Variants in UTS2B observed in about 807,000 individuals in gnomAD.
UTS2B encodes the protein urotensin-2B.
UTS2B carries 21 observed loss-of-function variants against 19.2 expected under a neutral mutation model. The ratio of observed to expected loss-of-function variants is 1.09; its 90% CI spans 0.78 to 1.58. The LOEUF is 1.58. Ranked by LOEUF, UTS2B falls within the 40% of genes most tolerant of loss-of-function variation. The pLI, the probability that UTS2B is intolerant of heterozygous loss-of-function variation, is 0.00. For missense variants in UTS2B, 138 were observed against 130.3 expected (o/e 1.06, Z -0.29); for synonymous variants, 57 against 50.2 (o/e 1.14, Z -0.58).
intron 4 of UTS2B, among the ~76,000 whole-genome samples, chr3:191,288,256 C>A (rs2108581315): frequency 6.6e-6 from 1 of 152,124 alleles, no homozygotes; most frequent in Admixed American, 6.5e-5. Context: ...ACATTTTGTA[C>A]AGAAATAGAA....
chr3:191,284,316 C>A (rs1254361417), intron 4 of UTS2B, among the ~76,000 whole-genome samples: 2 of 151,604 alleles, frequency 1.3e-5, no homozygotes, highest in East Asian at 3.9e-4. Flanking sequence ...ACTGATTATT[C>A]TTTTCTTTTC....
intron 2 of UTS2B, among the ~76,000 whole-genome samples, chr3:191,321,992 A>G (rs1393366527): frequency 6.6e-6 from 1 of 152,020 alleles, no homozygotes; most frequent in Non-Finnish European, 1.5e-5. Flanking sequence ...GCGCCATTGC[A>G]CTCCAGCCTG....
intron 4 of UTS2B, among the ~76,000 whole-genome samples, chr3:191,297,700 T>C (rs10937472): frequency 0.39 from 58,714 of 152,130 alleles, 11,852 homozygotes; most frequent in East Asian, 0.64. Flanking sequence ...GCCTGTGGTG[T>C]GGATTAAAGG....
chr3:191,268,554 A>G (rs1716005090), intron 8 of UTS2B, 113 bp from the exon 9 acceptor site: 1 of 687,926 alleles, frequency 1.5e-6, no homozygotes. Context: ...TAAAAGGGAC[A>G]GTCAATATTG....
the UTS2B span, among the ~76,000 whole-genome samples, chr3:191,343,943 T>C: frequency 6.6e-6 from 1 of 152,210 alleles, no homozygotes; most frequent in African/African-American, 2.4e-5. Flanking sequence ...GGTTGCTAGA[T>C]AAATGTAGGA....
chr3:191,306,210 A>C (rs1717136121), intron 3 of UTS2B, among the ~76,000 whole-genome samples: 1 of 152,184 alleles, frequency 6.6e-6, no homozygotes, highest in African/African-American at 2.4e-5. Context: ...GAAGAATGTC[A>C]ATGGTAGTTT....
chr3:191,299,668 T>A (rs1369401061), intron 4 of UTS2B, among the ~76,000 whole-genome samples: 1 of 152,198 alleles, frequency 6.6e-6, no homozygotes, highest in Non-Finnish European at 1.5e-5. Context: ...AGAGGGGAAG[T>A]GTGGGGGTGG....
intron 8 of UTS2B, chr3:191,273,683 C>T (rs1239821506): frequency 7.7e-6 from 3 of 387,668 alleles, no homozygotes; most frequent in African/African-American, 4.1e-5. Context: ...CTAAGCTATA[C>T]TGATTCAGGA....
chr3:191,324,360 C>G (rs115043651), intron 2 of UTS2B, among the ~76,000 whole-genome samples: 9,947 of 152,260 alleles, frequency 0.065, 386 homozygotes, highest in South Asian at 0.11. Context: ...TAGAGTAAGA[C>G]AGATGGGATA....
intron 2 of UTS2B, among the ~76,000 whole-genome samples, chr3:191,323,852 T>C (rs887867447): frequency 3.9e-5 from 6 of 152,044 alleles, no homozygotes; most frequent in African/African-American, 1.4e-4. Context: ...AGGAGTGAGT[T>C]GGAGAGAGAG....
chr3:191,326,699 C>A (rs1336441384), intron 2 of UTS2B, among the ~76,000 whole-genome samples: 2 of 152,202 alleles, frequency 1.3e-5, no homozygotes, highest in African/African-American at 4.8e-5. Context: ...AAGATGTAAA[C>A]TTGTTACAGA....
intron 1 of UTS2B, chr3:191,329,191 CG>C: frequency 1.3e-5 from 2 of 157,668 alleles, no homozygotes; most frequent in Non-Finnish European, 2.8e-5. Context: ...GGGCAGGGCC[CG>C]GGGGCGGGAG....
At position 191,330,185 on chromosome 3, in the gene UTS2B, A is replaced by T. The variant is rs539588479; in HGVS notation, c.-665+229T>A. Among the ~76,000 whole-genome samples the T allele has an allele frequency of 4.6e-5, 7 of 152,144 alleles. No individual in the cohort carries two copies. The South Asian group carries it at 1.5e-3, about 32-fold the overall frequency. ...CCCTCCTTCTCTCCCTACTTTTCCT[A>T]GGCCGGCGTCTGGCTGGCTGACTTT... On this transcript the variant is annotated intron_variant, in intron 1 of 8. Coordinates refer to ENST00000340524, the MANE Select transcript of UTS2B (RefSeq NM_198152.5).
intron 3 of UTS2B, among the ~76,000 whole-genome samples, chr3:191,311,803 T>C (rs116441711): frequency 4.6e-5 from 7 of 152,314 alleles, no homozygotes; most frequent in African/African-American, 1.7e-4. Context: ...ACATTTCCAC[T>C]TCCCAGAGCC....
At position 191,297,358 on chromosome 3, in the gene UTS2B, G is replaced by A. The variant is rs115951435; in HGVS notation, c.-125+7134C>T. Among the ~76,000 whole-genome samples, 150 of 152,236 alleles carry A rather than the reference G, an allele frequency of 9.9e-4. No homozygotes were observed. In the Middle Eastern group the frequency reaches 0.014, roughly 14 times the overall value. On this transcript the variant is annotated intron_variant, in intron 4 of 8. Coordinates refer to ENST00000340524, the MANE Select transcript of UTS2B (RefSeq NM_198152.5). Reference sequence around the variant, plus strand: ...TTTCCTCACTGTTCAGTAGAGAGAGGAGAATGCTTTCAAGAGACCATTTCT... The same window carrying A: ...TTTCCTCACTGTTCAGTAGAGAGAGAAGAATGCTTTCAAGAGACCATTTCT...
rs189692066 is a variant in UTS2B at position 191,279,231 on chromosome 3, A to C, written c.104-1061T>G. 2.5e-3 allele frequency among the ~76,000 whole-genome samples: 374 copies of C among 152,130 alleles called. 1 individual carries two copies. Among genetic ancestry groups the C allele is most frequent in the Non-Finnish European group, 3.9e-3 (268 of 67,892 alleles). On this transcript the variant is annotated intron_variant, in intron 5 of 8. Coordinates refer to ENST00000340524, the MANE Select transcript of UTS2B (RefSeq NM_198152.5). ...ATACCTAATTGTTGCTCAATTCTTC[A>C]ATTTTCTTTGCTTCATACACATAAA...
At chr3:191,332,695 T>C (rs987574888), upstream of UTS2B, among the ~76,000 whole-genome samples, 3 of 152,222 alleles carry the variant, frequency 2.0e-5, no homozygotes, top group African/African-American at 7.2e-5. Context: ...TAAAAAACTT[T>C]TAATCAGTTG....
chr3:191,294,214 T>A (rs1269941826), intron 4 of UTS2B, among the ~76,000 whole-genome samples: 1 of 151,966 alleles, frequency 6.6e-6, no homozygotes, highest in African/African-American at 2.4e-5. Flanking sequence ...GTTCTACCCT[T>A]GTATCACATG....
rs66756396 is a variant in UTS2B, at chr3:191,271,200, CAAAAAAA to C, written c.335-2766_335-2760del. The stretch of plus-strand genomic sequence containing the variant: ...GCCTGGTGACAGAGTGAGACTCTCT[CAAAAAAA>C]AAAAAAAAAAAAAAAAAAAGAGGTA... On this transcript the variant is annotated intron_variant, in intron 8 of 8. Transcript: ENST00000340524. Among the ~76,000 whole-genome samples, 227 of 52,758 alleles carry C rather than the reference CAAAAAAA, an allele frequency of 4.3e-3. 5 individuals are homozygous for C. Among genetic ancestry groups the C allele is most frequent in the Middle Eastern group, 0.023 (2 of 86 alleles). The allele number at this position is 52,758 out of a possible 152,430, so 34.6% of individuals were successfully genotyped here. A position where few individuals can be genotyped will look rare whatever the true frequency, so the allele number is the denominator to read the frequency against.
Sources: allele counts gnomAD v4.1 joint callset (sites outside exome capture counted in the v4.1 genomes callset), GRCh38; gene constraint gnomAD v4.1.1; transcripts MANE v1.5; gene names NCBI Gene and HGNC (gene_info 2026-07-23, HGNC 2026-07-21).